The following GALC variants were observed in gnomAD, a reference collection of about 807,000 sequenced individuals.
GALC encodes galactocerebrosidase.
GALC carries 77 observed loss-of-function variants against 91.8 expected under a neutral mutation model. The observed-to-expected ratio is 0.84, with a 90% confidence interval of 0.70 to 1.01. The LOEUF (loss-of-function observed/expected upper bound fraction) is 1.01, where lower values mean the gene tolerates loss of function less well. Ranked by LOEUF, GALC falls within the 50% of genes least tolerant of loss-of-function variation. The pLI is 0.00. For synonymous variants in GALC, 357 were observed against 306.7 expected (o/e 1.16, Z -1.71); for missense variants, 882 against 855.9 (o/e 1.03, Z -0.38).
At chr14:87,947,634 A>T in intron 13 of GALC, 94 bp downstream of exon 13, 2 of 1,216,822 alleles carry the variant, frequency 1.6e-6, no homozygotes, top group Non-Finnish European at 2.4e-6. Context: ...TGCTTTTGAC[A>T]GCCACTCCAT....
At chr14:87,935,990 A>G (rs2139928256) in intron 16 of GALC, among the ~76,000 whole-genome samples, 1 of 152,084 alleles carries the variant, frequency 6.6e-6, no homozygotes, top group South Asian at 2.1e-4. Flanking sequence ...CAAACACTCA[A>G]TATTAACACC....
intron 13 of GALC, among the ~76,000 whole-genome samples, chr14:87,946,361 T>C (rs1885071141): frequency 6.6e-6 from 1 of 152,048 alleles, no homozygotes; most frequent in African/African-American, 2.4e-5. Flanking sequence ...TAAATTATAG[T>C]CTTACAATAA....
intron 7 of GALC, among the ~76,000 whole-genome samples, chr14:87,974,327 C>G (rs537947130): frequency 7.2e-5 from 11 of 152,090 alleles, no homozygotes; most frequent in African/African-American, 2.7e-4. Context: ...AGAACTCAGG[C>G]CAAGAAGCTT....
At chr14:87,951,685 C>T (rs542365644) in intron 10 of GALC, among the ~76,000 whole-genome samples, 1 of 151,842 alleles carries the variant, frequency 6.6e-6, no homozygotes, top group East Asian at 1.9e-4. Context: ...TAACTGAAAA[C>T]CTTCTGGAAA....
At chr14:87,986,328 A>G (rs1886967741) in intron 4 of GALC, among the ~76,000 whole-genome samples, 161 bp downstream of exon 4, 1 of 152,230 alleles carries the variant, frequency 6.6e-6, no homozygotes, top group African/African-American at 2.4e-5. Context: ...AAGGGCAAAG[A>G]AAGGATCACC....
chr14:87,942,546 A>T (rs1451922465), intron 14 of GALC, among the ~76,000 whole-genome samples: 1 of 152,024 alleles, frequency 6.6e-6, no homozygotes, highest in African/African-American at 2.4e-5. Flanking sequence ...ATCTAACTGC[A>T]AGTGGGAAGA....
intron 10 of GALC, chr14:87,954,453 A>G (rs1885434524): frequency 3.2e-6 from 5 of 1,587,254 alleles, no homozygotes; most frequent in Non-Finnish European, 4.3e-6. Context: ...AAAAAAGGTT[A>G]TATTTGGGAA....
rs1314361436 is a variant in GALC at position 87,934,558 on chromosome 14, T to G, written c.*174A>C. On this transcript the variant is annotated 3_prime_UTR_variant, in exon 17 of 17. Coordinates refer to ENST00000261304, the MANE Select transcript of GALC (RefSeq NM_000153.4). ...CCAGTTTTCCCCTTGGAATTAATTC[T>G]AATAAAATCTTCCACAGGGTAAATT... 1 of 1,468,804 alleles carries G rather than the reference T, an allele frequency of 6.8e-7. No individual in the cohort carries two copies. Among genetic ancestry groups the G allele is most frequent in the Non-Finnish European group, 8.9e-7 (1 of 1,118,226 alleles). The allele number at this position is 1,468,804 out of a possible 1,614,324, so 91.0% of individuals were successfully genotyped here. A position where few individuals can be genotyped will look rare whatever the true frequency, so the allele number is the denominator to read the frequency against.
At chr14:87,965,742 C>T (rs1886021593) in intron 8 of GALC, 113 bp from the exon 9 acceptor site, 14 of 1,033,498 alleles carry the variant, frequency 1.4e-5, no homozygotes, top group Non-Finnish European at 1.4e-5. Context: ...ACATAAATGA[C>T]AATAAAAGGA....
Position 87,949,817 on chromosome 14 carries a change from A to G in GALC, c.1338+28T>C, listed in dbSNP as rs781238536. ...TTACTGTTTTACTGTTGGAATACCC[A>G]AAATATAAGAATTTACTTTAAAATT... On this transcript the variant is annotated intron_variant, in intron 12 of 16. Coordinates refer to ENST00000261304, the MANE Select transcript of GALC (RefSeq NM_000153.4). 4 of 1,181,798 alleles carry G rather than the reference A, an allele frequency of 3.4e-6. No individual in the cohort carries two copies. In the South Asian group the frequency reaches 4.9e-5, roughly 15 times the overall value. The allele number at this position is 1,181,798 out of a possible 1,614,324, so 73.2% of individuals were successfully genotyped here.
chr14:87,963,801 C>T (rs1050353073), intron 9 of GALC, among the ~76,000 whole-genome samples: 1 of 151,856 alleles, frequency 6.6e-6, no homozygotes, highest in African/African-American at 2.4e-5. Flanking sequence ...ATTCCCCCCC[C>T]AAACTTGGTT....
chr14:87,962,242 T>C (rs1316185911), intron 10 of GALC, among the ~76,000 whole-genome samples: 1 of 152,146 alleles, frequency 6.6e-6, no homozygotes, highest in Admixed American at 6.5e-5. Context: ...TATCTGGGTC[T>C]TTCTTTTGAC....
At chr14:87,978,013 C>A (rs771800993) in intron 6 of GALC, among the ~76,000 whole-genome samples, 1 of 152,102 alleles carries the variant, frequency 6.6e-6, no homozygotes, top group Non-Finnish European at 1.5e-5. Flanking sequence ...AACCCCTATC[C>A]CTCTAGCAGG....
chr14:87,970,848 G>A (rs1203509930), intron 7 of GALC, among the ~76,000 whole-genome samples: 3 of 127,358 alleles, frequency 2.4e-5, no homozygotes, highest in Non-Finnish European at 4.7e-5. Context: ...CAGCCTGGGC[G>A]ACAGAGGACA....
intron 10 of GALC, chr14:87,953,588 C>T: frequency 6.2e-7 from 1 of 1,609,606 alleles, no homozygotes; most frequent in Non-Finnish European, 8.5e-7. Flanking sequence ...ATACTGTGTT[C>T]CCAACTAAAC....
intron 9 of GALC, 91 bp downstream of exon 9, chr14:87,965,414 G>T: frequency 1.5e-6 from 2 of 1,357,586 alleles, no homozygotes; most frequent in South Asian, 1.2e-5. Flanking sequence ...AACACGCATA[G>T]ACACACAGTT....
At position 87,934,848 on chromosome 14, in the gene GALC, T is replaced by C; in HGVS notation, c.1942A>G (p.Lys648Glu). 1 of 1,612,726 alleles carries C rather than the reference T, an allele frequency of 6.2e-7. No homozygotes were observed. Among genetic ancestry groups the C allele is most frequent in the Non-Finnish European group, 8.5e-7 (1 of 1,179,018 alleles). ...ACAGGGATGTCTGTCCACAGAGACT[T>C]GTCATTCAGCATGCCAGAGGTGAAA... is the stretch of plus-strand genomic sequence containing the variant. The part of the protein sequence containing the change: ...GHFTSGMLND[K>E]SLWTDIPVNF... Residue 648 changes from lysine (K) to glutamate (E), a missense_variant, in exon 17 of 17, where the codon AAG (lysine) becomes GAG (glutamate). Lys to Glu is a moderately conservative substitution (Grantham distance 56). Coordinates refer to ENST00000261304, the MANE Select transcript of GALC (RefSeq NM_000153.4).
Position 87,984,450 on chromosome 14 carries a change from C to T in GALC, c.526G>A (p.Val176Met), listed in dbSNP as rs552161894. 29 of 1,614,040 alleles carry T rather than the reference C, an allele frequency of 1.8e-5. No homozygotes were observed. The South Asian group carries it at 2.6e-4, about 15-fold the overall frequency. ...VNLQLTAYYV[V>M]TWIVGAKRYH... The stretch of plus-strand genomic sequence containing the variant: ...CGCTTGGCGCCCACAATCCAGGTCA[C>T]GACATAATAGGCAGTCAGCTGAAGA... Residue 176 changes from valine to methionine, a missense_variant, in exon 5 of 17, where the codon GTG becomes ATG. By Grantham distance (21) the Val-to-Met change is conservative. Transcript: ENST00000261304.
chr14:87,953,219 T>C (rs1333012657), intron 10 of GALC: 4 of 1,503,888 alleles, frequency 2.7e-6, no homozygotes, highest in African/African-American at 2.8e-5. Context: ...ACGGAATTTC[T>C]CTGTATAATT....
Sources: gnomAD v4.1 joint callset for allele counts (sites outside exome capture counted in the v4.1 genomes callset) on GRCh38, gnomAD v4.1.1 for gene constraint, MANE v1.5 for transcripts, NCBI Gene and HGNC (gene_info 2026-07-23, HGNC 2026-07-21) for gene names.